The following TEX14 variants were observed in gnomAD, a reference collection of about 807,000 sequenced individuals.
TEX14 encodes the protein testis expressed 14, intercellular bridge forming factor, also known as inactive serine/threonine-protein kinase TEX14.
A neutral mutation model predicts 178.6 loss-of-function variants in TEX14; 168 were observed. The ratio of observed to expected loss-of-function variants is 0.94; its 90% CI spans 0.83 to 1.07. The LOEUF (loss-of-function observed/expected upper bound fraction) is 1.07, where lower values mean the gene tolerates loss of function less well. TEX14 is among the 50% of genes least tolerant of loss of function. The pLI, the probability that TEX14 is intolerant of heterozygous loss-of-function variation, is 0.00. For synonymous variants in TEX14, 626 were observed against 634.1 expected (o/e 0.99, Z 0.19); for missense variants, 1,730 against 1,753.6 (o/e 0.99, Z 0.24).
chr17:58,630,305 C>T (rs1478987862), intron 3 of TEX14, 135 bp downstream of exon 3: 2 of 597,936 alleles, frequency 3.3e-6, no homozygotes, highest in Non-Finnish European at 6.0e-6. Context: ...ATCTGCCCGC[C>T]TTGGCCTCCC....
intron 3 of TEX14, among the ~76,000 whole-genome samples, chr17:58,629,751 C>T (rs1158875871): frequency 3.3e-5 from 5 of 150,780 alleles, no homozygotes; most frequent in Non-Finnish European, 7.4e-5. Flanking sequence ...AGGAGAATGG[C>T]GTGAACTCGG....
chr17:58,557,831 A>G lies in TEX14; in HGVS notation c.4287T>C (p.Phe1429=), dbSNP rs776725342. 6.2e-7 allele frequency: 1 copy of G among 1,612,442 alleles called. No homozygotes were observed. The highest frequency in any genetic ancestry group is 8.5e-7 in the Non-Finnish European group (1 of 1,179,162). ...ATTCGGACCAACCTAGTCGCTTCCA[A>G]AAACAGGATTTTAGTTCATCTTGAT... ...TSEEDELKSC[F]WKRLGWSESS... is the part of the protein sequence containing the mutation. The change falls in exon 31 of 32, where the codon TTT becomes TTC. Residue 1429 remains phenylalanine (F), a synonymous_variant. Transcript: ENST00000349033.
At chr17:58,612,657 C>T (rs540792854) in intron 9 of TEX14, among the ~76,000 whole-genome samples, 11 of 147,676 alleles carry the variant, frequency 7.4e-5, no homozygotes, top group Non-Finnish European at 1.5e-4. Context: ...ATCGTTTGAA[C>T]CAGGGAGGCA....
intron 2 of TEX14, among the ~76,000 whole-genome samples, chr17:58,632,726 T>G (rs547654765): frequency 1.3e-5 from 2 of 152,142 alleles, no homozygotes; most frequent in African/African-American, 4.8e-5. Context: ...GGTCAGCCCA[T>G]AAAAGGGAAG....
chr17:58,631,533 T>C (rs1249220582), intron 2 of TEX14: 2 of 151,446 alleles, frequency 1.3e-5, no homozygotes, highest in African/African-American at 4.9e-5. Context: ...TATGCATATA[T>C]ACACAACACA....
intron 15 of TEX14, among the ~76,000 whole-genome samples, chr17:58,593,293 GA>G (rs1173619599): frequency 6.6e-6 from 1 of 152,152 alleles, no homozygotes; most frequent in Non-Finnish European, 1.5e-5. Flanking sequence ...GGCAGTTGCG[GA>G]AAGGCAAGAT....
chr17:58,649,078 CT>C (rs554128326), intron 2 of TEX14, among the ~76,000 whole-genome samples: 20,952 of 133,080 alleles, frequency 0.16, 2,364 homozygotes, highest in East Asian at 0.32. Flanking sequence ...CGCCCGGCCT[CT>C]TTTTTTTTTT....
Position 58,591,116 on chromosome 17 carries a change from A to G in TEX14, c.2576+2439T>C, listed in dbSNP as rs73327354. On this transcript the variant is annotated intron_variant, in intron 15 of 31. Transcript: ENST00000349033. ...AACTATGGGTTTTTCTTTGTCATCT[A>G]ATGGCTATGTCATCCCATTTGCTTC... 9.3e-3 allele frequency among the ~76,000 whole-genome samples: 1,413 copies of G among 152,250 alleles called. 25 individuals are homozygous for G. The highest frequency in any genetic ancestry group is 0.031 in the African/African-American group (1,307 of 41,548).
chr17:58,634,799 C>T (rs905738193), intron 2 of TEX14, among the ~76,000 whole-genome samples: 1 of 152,160 alleles, frequency 6.6e-6, no homozygotes, highest in Admixed American at 6.6e-5. Context: ...TCTACATTCA[C>T]AGCAAAGTGA....
intron 8 of TEX14, 40 bp downstream of exon 8, chr17:58,615,192 G>T: frequency 8.3e-7 from 1 of 1,209,892 alleles, no homozygotes. Flanking sequence ...AGTCTGTAGA[G>T]AGACCTGGAC....
chr17:58,598,580 CAG>C (rs1236317402), intron 14 of TEX14, among the ~76,000 whole-genome samples: 1 of 152,128 alleles, frequency 6.6e-6, no homozygotes, highest in Non-Finnish European at 1.5e-5. Context: ...AACTGGGAGA[CAG>C]AGAGTATCTA....
intron 1 of TEX14, among the ~76,000 whole-genome samples, chr17:58,681,380 G>T (rs2047498499): frequency 6.6e-6 from 1 of 152,154 alleles, no homozygotes; most frequent in African/African-American, 2.4e-5. Context: ...GGGATTCTGT[G>T]ATGCAACCAG....
At chr17:58,683,175 C>G (rs187019197) in intron 1 of TEX14, among the ~76,000 whole-genome samples, 1 of 150,984 alleles carries the variant, frequency 6.6e-6, no homozygotes, top group Non-Finnish European at 1.5e-5. Flanking sequence ...GAGTTCAAGA[C>G]CAGCCTGGGC....
chr17:58,644,666 T>TTTTTG (rs2046655579), intron 2 of TEX14, among the ~76,000 whole-genome samples: 1 of 96,730 alleles, frequency 1.0e-5, no homozygotes, highest in Non-Finnish European at 2.1e-5. Flanking sequence ...TTTTTTTTTC[T>TTTTTG]GACGGAGTTT....
At chr17:58,582,543 C>A (rs1410738775) in intron 19 of TEX14, among the ~76,000 whole-genome samples, 1 of 151,756 alleles carries the variant, frequency 6.6e-6, no homozygotes. Context: ...AGACATGAGC[C>A]ACCACACCCG....
At chr17:58,638,082 G>A (rs1680434575) in intron 2 of TEX14, among the ~76,000 whole-genome samples, 1 of 151,936 alleles carries the variant, frequency 6.6e-6, no homozygotes, top group Admixed American at 6.6e-5. Flanking sequence ...GGCTGATCTC[G>A]AACTCCTGAC....
intron 10 of TEX14, among the ~76,000 whole-genome samples, chr17:58,608,047 C>A (rs1367787765): frequency 1.3e-5 from 2 of 152,190 alleles, no homozygotes; most frequent in African/African-American, 4.8e-5. Flanking sequence ...CTTTGGGAGG[C>A]CAGGTCGGGC....
chr17:58,603,927 G>A (rs2045541241), intron 11 of TEX14, among the ~76,000 whole-genome samples: 1 of 147,246 alleles, frequency 6.8e-6, no homozygotes, highest in Admixed American at 6.7e-5. Flanking sequence ...GTGTGTGTGT[G>A]TGTGTGTGTG....
intron 1 of TEX14, chr17:58,659,469 C>T (rs768628345): frequency 7.7e-6 from 2 of 260,866 alleles, no homozygotes; most frequent in Non-Finnish European, 1.2e-5. Context: ...AAAATTTCTC[C>T]CGCGAAGAAC....
Sources: allele counts gnomAD v4.1 joint callset (sites outside exome capture counted in the v4.1 genomes callset), GRCh38; gene constraint gnomAD v4.1.1; transcripts MANE v1.5; gene names NCBI Gene and HGNC (gene_info 2026-07-23, HGNC 2026-07-21).